The following NUP205 variants were observed in gnomAD, a reference collection of about 807,000 sequenced individuals.
NUP205 encodes the protein nuclear pore complex protein Nup205.
A neutral mutation model predicts 253.8 loss-of-function variants in NUP205; 76 were observed. The observed-to-expected ratio is 0.30, with a 90% CI of 0.25 to 0.36. The LOEUF (loss-of-function observed/expected upper bound fraction) is 0.36. Among genes scored for constraint, NUP205 ranks in the 10% least tolerant of loss-of-function variants. The pLI is 1.00. For synonymous variants in NUP205, 832 were observed against 850.1 expected (o/e 0.98, Z 0.37); for missense variants, 2,162 against 2,425.5 (o/e 0.89, Z 2.28).
rs373502789 is a variant in NUP205 at position 135,587,774 on chromosome 7, T to G, written c.1336-81T>G. 8 of 1,540,296 alleles carry G rather than the reference T, an allele frequency of 5.2e-6. No homozygotes were observed. The African/African-American group carries it at 5.6e-5, about 11-fold the overall frequency. ...TAACTTTGGAAAATTTCAGGTGTAA[T>G]ACTTTAAATGTCCTTTTTTTTATTG... On this transcript the variant is annotated intron_variant, in intron 9 of 42. Coordinates refer to ENST00000285968, the MANE Select transcript of NUP205 (RefSeq NM_015135.3).
At chr7:135,571,710 C>T (rs567610556) in intron 2 of NUP205, among the ~76,000 whole-genome samples, 5 of 152,158 alleles carry the variant, frequency 3.3e-5, no homozygotes, top group African/African-American at 1.2e-4. Flanking sequence ...CATTGTTTTC[C>T]AAACAATCCA....
chr7:135,614,368 T>C, intron 23 of NUP205, 95 bp downstream of exon 23: 1 of 680,488 alleles, frequency 1.5e-6, no homozygotes, highest in South Asian at 1.8e-5. Context: ...TCTGTTCTCA[T>C]TCTGATACTT....
intron 35 of NUP205, among the ~76,000 whole-genome samples, chr7:135,631,777 T>C (rs1178809717): frequency 2.0e-5 from 3 of 146,892 alleles, no homozygotes; most frequent in South Asian, 2.2e-4. Flanking sequence ...TGAGACGGAG[T>C]CTTGCTCTGT....
At chr7:135,620,215 C>T (rs1034233423) in intron 30 of NUP205, among the ~76,000 whole-genome samples, 12 of 152,178 alleles carry the variant, frequency 7.9e-5, no homozygotes, top group African/African-American at 2.7e-4. Context: ...TGTGCTACAT[C>T]AGAGTACTTA....
chr7:135,634,496 GA>G (rs1794772919), intron 35 of NUP205, among the ~76,000 whole-genome samples: 1 of 152,134 alleles, frequency 6.6e-6, no homozygotes, highest in Non-Finnish European at 1.5e-5. Flanking sequence ...GTTCAGATGG[GA>G]AAGGAGGGCA....
intron 14 of NUP205, 106 bp from the exon 15 acceptor site, chr7:135,597,892 C>A: frequency 1.2e-6 from 1 of 835,540 alleles, no homozygotes; most frequent in Non-Finnish European, 1.9e-6. Context: ...TCTGTTATAT[C>A]TTTTGGTGTG....
Position 135,606,142 on chromosome 7 carries a change from C to G in NUP205, c.2824-3C>G. The G allele has an allele frequency of 6.3e-7, 1 of 1,598,558 alleles. No individual in the cohort carries two copies. Among genetic ancestry groups the G allele is most frequent in the Non-Finnish European group, 8.6e-7 (1 of 1,167,362 alleles). ...GTCATTTTTTACCTTCATGTTACTT[C>G]AGAGTATAAGTCAGAAACTAATGGC... On this transcript the variant is annotated splice_polypyrimidine_tract_variant and splice_region_variant and intron_variant, in intron 19 of 42. Transcript: ENST00000285968.
intron 6 of NUP205, among the ~76,000 whole-genome samples, chr7:135,578,227 G>T (rs1354045170): frequency 6.6e-6 from 1 of 152,038 alleles, no homozygotes; most frequent in Non-Finnish European, 1.5e-5. Context: ...TTTTTTGGGG[G>T]GATTTGGAAT....
At chr7:135,624,064 G>A (rs946183746) in intron 31 of NUP205, among the ~76,000 whole-genome samples, 16 of 152,152 alleles carry the variant, frequency 1.1e-4, no homozygotes, top group Admixed American at 9.2e-4. Context: ...TTACAGGCAT[G>A]AGCCACCACA....
At chr7:135,609,393 G>A (rs1794173394) in intron 22 of NUP205, among the ~76,000 whole-genome samples, 1 of 151,930 alleles carries the variant, frequency 6.6e-6, no homozygotes, top group African/African-American at 2.4e-5. Context: ...CAGGAGAATG[G>A]CGTGAACCCG....
chr7:135,648,474 A>G lies in NUP205; in HGVS notation c.5957A>G (p.Tyr1986Cys). Residue 1986 changes from tyrosine to cysteine, a missense_variant, in exon 43 of 43, where the codon TAT becomes TGT. Physicochemically the swap from Tyr to Cys is radical, Grantham distance 194. This residue lies in a region of NUP205 where 1,144 missense variants were observed against 1,280.9 expected (regional missense o/e 0.89). Transcript: ENST00000285968. ...QKKLLDIEGL[Y>C]SKVRSRYSFI... is the part of the protein sequence containing the mutation. ...AAACTTCTGGACATTGAAGGATTAT[A>G]TTCAAAAGTTCGATCTCGATATAGT... 1 of 1,608,498 alleles carries G rather than the reference A, an allele frequency of 6.2e-7. No individual in the cohort carries two copies. Among genetic ancestry groups the G allele is most frequent in the African/African-American group, 1.3e-5 (1 of 74,556 alleles).
intron 13 of NUP205, among the ~76,000 whole-genome samples, chr7:135,596,227 C>T (rs1793832508): frequency 6.6e-6 from 1 of 152,238 alleles, no homozygotes; most frequent in Admixed American, 6.5e-5. Context: ...AGCCACCACG[C>T]CCAGCCAGAA....
intron 41 of NUP205, 41 bp from the exon 42 acceptor site, chr7:135,646,117 G>T: frequency 1.5e-6 from 2 of 1,290,644 alleles, no homozygotes; most frequent in Non-Finnish European, 2.3e-6. Context: ...TGGTAGATAG[G>T]TACTTGCACA....
intron 3 of NUP205, 34 bp downstream of exon 3, chr7:135,573,859 T>G (rs770679175): frequency 1.3e-6 from 2 of 1,521,786 alleles, no homozygotes; most frequent in African/African-American, 1.4e-5. Flanking sequence ...AGTGGTAAAA[T>G]AATGCAAAAT....
Position 135,648,461 on chromosome 7 carries a change from A to C in NUP205, c.5944A>C (p.Ile1982Leu), listed in dbSNP as rs1235767056. ...ATCACTACAAAAGAAACTTCTGGAC[A>C]TTGAAGGATTATATTCAAAAGTTCG... ...GESLQKKLLD[I>L]EGLYSKVRSR... The change falls in exon 43 of 43, where the codon ATT (isoleucine) becomes CTT (leucine). Residue 1982 changes from isoleucine (I) to leucine (L), a missense_variant. Ile to Leu is a conservative substitution (Grantham distance 5). This residue lies in a region of NUP205 where 1,144 missense variants were observed against 1,280.9 expected (regional missense o/e 0.89). Coordinates refer to ENST00000285968, the MANE Select transcript of NUP205 (RefSeq NM_015135.3). 5.6e-6 allele frequency: 9 copies of C among 1,607,590 alleles called. No individual in the cohort carries two copies. Among genetic ancestry groups the C allele is most frequent in the Non-Finnish European group, 6.8e-6 (8 of 1,178,080 alleles).
At chr7:135,559,983 C>T (rs1385650013) in intron 1 of NUP205, among the ~76,000 whole-genome samples, 9 of 151,218 alleles carry the variant, frequency 6.0e-5, no homozygotes, top group Non-Finnish European at 1.3e-4. Context: ...CTCAGCCTCC[C>T]GAGGGGCTGG....
chr7:135,587,646 A>G lies in NUP205; in HGVS notation c.1290A>G (p.Glu430=), dbSNP rs757038209. 6.2e-7 allele frequency: 1 copy of G among 1,610,864 alleles called. No individual in the cohort carries two copies. The highest frequency in any genetic ancestry group is 1.1e-5 in the South Asian group (1 of 90,400). Residue 430 remains glutamate, a synonymous_variant, in exon 9 of 43, where the codon GAA becomes GAG. Transcript: ENST00000285968. ...ACATGAGTATGCAGATGGGTAATGA[A>G]CCCCCCATTTCACTTAGAAGGGACC... The part of the protein sequence containing the change: ...MIHMSMQMGN[E]PPISLRRDLE...
rs139142793 is a variant in NUP205, at chr7:135,577,043, C to A, written c.563C>A (p.Thr188Lys). The change falls in exon 5 of 43, where the codon ACG (threonine) becomes AAG (lysine). Residue 188 changes from threonine (T) to lysine (K), a missense_variant. Physicochemically the swap from Thr to Lys is moderately conservative, Grantham distance 78 (BLOSUM62 -1). Around this residue, in one of 5 missense-constraint regions of NUP205, gnomAD observed 892 missense variants for 957.1 expected, o/e 0.93. Coordinates refer to ENST00000285968, the MANE Select transcript of NUP205 (RefSeq NM_015135.3). The part of the protein sequence containing the change: ...MEQGLTYKVL[T>K]LVSQIDVNNE... Reference sequence around the variant, plus strand: ...CAAGGATTGACTTATAAAGTTCTTACGCTGGTGTCACAGATTGATGTGAAT... The same window carrying A: ...CAAGGATTGACTTATAAAGTTCTTAAGCTGGTGTCACAGATTGATGTGAAT... 6.8e-6 allele frequency: 11 copies of A among 1,613,974 alleles called. No homozygotes were observed. In the East Asian group the frequency reaches 2.0e-4, roughly 29 times the overall value.
At chr7:135,639,476 G>A (rs1794878642) in intron 38 of NUP205, among the ~76,000 whole-genome samples, 1 of 152,068 alleles carries the variant, frequency 6.6e-6, no homozygotes, top group South Asian at 2.1e-4. Context: ...GATTAACTGA[G>A]GGCAGGAGTT....
Sources: allele counts gnomAD v4.1 joint callset (sites outside exome capture counted in the v4.1 genomes callset), GRCh38; gene constraint gnomAD v4.1.1; regional missense constraint gnomAD v4.1.1; transcripts MANE v1.5; gene names NCBI Gene and HGNC (gene_info 2026-07-23, HGNC 2026-07-21).